ANXA8: variants seen among roughly 807,000 people sequenced by gnomAD.
The protein encoded by ANXA8 is VAC-beta.
ANXA8 carries 9 observed loss-of-function variants against 26.8 expected under a neutral mutation model. The ratio of observed to expected loss-of-function variants is 0.34; its 90% confidence interval spans 0.20 to 0.59. The LOEUF is 0.59. Among genes scored for constraint, ANXA8 ranks in the 20% least tolerant of loss-of-function variants. The pLI, the probability that ANXA8 is intolerant of heterozygous loss-of-function variation, is 0.84. For missense variants in ANXA8, 83 were observed against 238.5 expected (o/e 0.35, Z 4.29); for synonymous variants, 39 against 94.8 (o/e 0.41, Z 3.42).
chr10:47,940,160 G>A, the ANXA8 span, among the ~76,000 whole-genome samples: 1 of 150,852 alleles, frequency 6.6e-6, no homozygotes, highest in South Asian at 2.1e-4. Context: ...GTTCCTGTTG[G>A]GCACTTAGGG....
chr10:47,580,921 A>G, the ANXA8 span, among the ~76,000 whole-genome samples: 18 of 149,562 alleles, frequency 1.2e-4, 1 homozygote, highest in East Asian at 2.9e-3. Flanking sequence ...CTAAAAATAC[A>G]AAAAATTAGC....
At chr10:47,957,194 C>A in the ANXA8 span, among the ~76,000 whole-genome samples, 2 of 150,146 alleles carry the variant, frequency 1.3e-5, no homozygotes, top group Non-Finnish European at 2.9e-5. Context: ...CTGACATGAA[C>A]TTCCTTTTCT....
At chr10:47,981,226 A>G in the ANXA8 span, among the ~76,000 whole-genome samples, 3 of 151,400 alleles carry the variant, frequency 2.0e-5, no homozygotes, top group Non-Finnish European at 4.4e-5. Flanking sequence ...AGATGCAGAA[A>G]AAACATTTGA....
chr10:47,958,149 G>A, the ANXA8 span, among the ~76,000 whole-genome samples: 3 of 149,998 alleles, frequency 2.0e-5, no homozygotes, highest in Admixed American at 1.3e-4. Flanking sequence ...CCCTCCATTC[G>A]CCTGCATGGC....
the ANXA8 span, among the ~76,000 whole-genome samples, chr10:47,566,417 T>C: frequency 2.7e-5 from 4 of 149,320 alleles, no homozygotes; most frequent in African/African-American, 4.9e-5. Context: ...TGCCACAAAC[T>C]GAGCCGCAGA....
At chr10:47,548,404 C>T in the ANXA8 span, among the ~76,000 whole-genome samples, 5 of 149,716 alleles carry the variant, frequency 3.3e-5, no homozygotes, top group Admixed American at 6.7e-5. Context: ...TGGGTTGAAG[C>T]GATTCTCCTG....
At chr10:47,607,330 G>T in the ANXA8 span, among the ~76,000 whole-genome samples, 224 of 136,904 alleles carry the variant, frequency 1.6e-3, no homozygotes, top group African/African-American at 6.0e-3. Context: ...ACAAAGATTT[G>T]CCAGTATTCA....
At chr10:47,486,344 C>T (rs1840045899), upstream of ANXA8, among the ~76,000 whole-genome samples, 1 of 145,144 alleles carries the variant, frequency 6.9e-6, no homozygotes, top group Admixed American at 7.0e-5. Context: ...AAATGAGGGT[C>T]CTCCCTTAGC....
the ANXA8 span, among the ~76,000 whole-genome samples, chr10:47,639,871 G>A: frequency 6.3e-5 from 9 of 143,574 alleles, no homozygotes; most frequent in African/African-American, 2.4e-4. Flanking sequence ...TCTGCCTCCT[G>A]GGCTCAAGAA....
chr10:47,948,378 C>G, the ANXA8 span, among the ~76,000 whole-genome samples: 1 of 106,962 alleles, frequency 9.3e-6, no homozygotes, highest in South Asian at 3.4e-4. Flanking sequence ...CAGATATACA[C>G]ACGAATTTAA....
chr10:47,528,325 T>C, the ANXA8 span, among the ~76,000 whole-genome samples: 5,096 of 109,570 alleles, frequency 0.047, 121 homozygotes, highest in East Asian at 0.13. Flanking sequence ...GTGATCCGCC[T>C]GTCTCGGCCT....
At chr10:47,558,627 T>G in the ANXA8 span, among the ~76,000 whole-genome samples, 1 of 151,384 alleles carries the variant, frequency 6.6e-6, no homozygotes, top group African/African-American at 2.4e-5. Flanking sequence ...GAGCTCAAGT[T>G]CTCCTGCCTC....
the ANXA8 span, among the ~76,000 whole-genome samples, chr10:47,656,391 C>G: frequency 8.0e-5 from 12 of 149,620 alleles, no homozygotes; most frequent in Non-Finnish European, 1.2e-4. Flanking sequence ...GAGGGAAACC[C>G]TGTCTCAAAA....
At chr10:47,666,512 C>T in the ANXA8 span, among the ~76,000 whole-genome samples, 11 of 151,992 alleles carry the variant, frequency 7.2e-5, no homozygotes, top group South Asian at 2.1e-3. Context: ...AGGATTTCTG[C>T]TGTCAATGTC....
the ANXA8 span, among the ~76,000 whole-genome samples, chr10:47,585,055 T>C: frequency 6.8e-6 from 1 of 146,294 alleles, no homozygotes; most frequent in African/African-American, 2.7e-5. Context: ...ACCACTGCAC[T>C]CCAGCCTGGG....
upstream of ANXA8, among the ~76,000 whole-genome samples, chr10:47,488,827 A>C (rs1340225356): frequency 1.5e-5 from 2 of 131,116 alleles, no homozygotes; most frequent in Admixed American, 9.5e-5. Context: ...TTCCAGGTTC[A>C]CGCCATTCTC....
chr10:47,770,587 CTT>C, the ANXA8 span, among the ~76,000 whole-genome samples: 22 of 148,712 alleles, frequency 1.5e-4, no homozygotes, highest in South Asian at 8.6e-4. Context: ...CTGTCACTCT[CTT>C]TTGATTCCTT....
At chr10:47,632,349 TTTTG>T in the ANXA8 span, among the ~76,000 whole-genome samples, 2 of 150,544 alleles carry the variant, frequency 1.3e-5, no homozygotes, top group South Asian at 2.1e-4. Flanking sequence ...TTGATCCTAC[TTTTG>T]TTTGTTTGTT....
At chr10:47,744,818 G>A in the ANXA8 span, among the ~76,000 whole-genome samples, 1 of 151,930 alleles carries the variant, frequency 6.6e-6, no homozygotes, top group South Asian at 2.1e-4. Flanking sequence ...TCTAGGGCAT[G>A]TTCTGTGACT....
Sources: allele counts gnomAD v4.1 joint callset (sites outside exome capture counted in the v4.1 genomes callset), GRCh38; gene constraint gnomAD v4.1.1; transcripts MANE v1.5; gene names NCBI Gene and HGNC (gene_info 2026-07-23, HGNC 2026-07-21).